Variants in FARSB observed in about 807,000 individuals in gnomAD.
FARSB encodes phenylalanine--tRNA ligase beta subunit.
A neutral mutation model predicts 69.6 loss-of-function variants in FARSB; 40 were observed. The ratio of observed to expected loss-of-function variants is 0.57; its 90% confidence interval spans 0.45 to 0.75. The LOEUF is 0.75. FARSB is among the 30% of genes least tolerant of loss of function. The pLI is 0.00. For synonymous variants in FARSB, 235 were observed against 247.2 expected, an observed-to-expected ratio of 0.95 and a Z score of 0.46; for missense variants, 632 against 722.9, an observed-to-expected ratio of 0.87 and a Z score of 1.44.
At chr2:222,627,735 T>G (rs1441743479) in intron 10 of FARSB, among the ~76,000 whole-genome samples, 1 of 152,238 alleles carries the variant, frequency 6.6e-6, no homozygotes, top group East Asian at 1.9e-4. Context: ...CACTCTAGAA[T>G]AAAATATGAT....
chr2:222,578,877 G>A (rs1272925353), intron 16 of FARSB, among the ~76,000 whole-genome samples: 1 of 152,190 alleles, frequency 6.6e-6, no homozygotes, highest in Non-Finnish European at 1.5e-5. Flanking sequence ...AGCTACTCAG[G>A]AGGCTAAGAC....
At chr2:222,605,161 T>TCTCTCTCTCTCTCTCTCTCTCTCTCTC (rs1690667824) in intron 15 of FARSB, among the ~76,000 whole-genome samples, 3 of 132,676 alleles carry the variant, frequency 2.3e-5, no homozygotes, top group African/African-American at 9.0e-5. Flanking sequence ...AATACAAACT[T>TCTCTCTCTCTCTCTCTCTCTCTCTCTC]TCTCTCTCTC....
At chr2:222,654,313 A>T (rs1421835433) in intron 1 of FARSB, among the ~76,000 whole-genome samples, 2 of 152,230 alleles carry the variant, frequency 1.3e-5, no homozygotes, top group Non-Finnish European at 2.9e-5. Context: ...CACAGTCAAA[A>T]CCTTGTTTCA....
intron 16 of FARSB, among the ~76,000 whole-genome samples, chr2:222,589,176 T>C (rs1690198807): frequency 6.6e-6 from 1 of 152,050 alleles, no homozygotes; most frequent in South Asian, 2.1e-4. Context: ...TATAGACCAA[T>C]GGAACAGAAC....
At chr2:222,633,669 C>T (rs562543425) in intron 6 of FARSB, among the ~76,000 whole-genome samples, 1 of 99,758 alleles carries the variant, frequency 1.0e-5, no homozygotes, top group Non-Finnish European at 1.8e-5. Flanking sequence ...GCAACAAGAG[C>T]GAAACTCCGT....
intron 5 of FARSB, among the ~76,000 whole-genome samples, chr2:222,636,499 C>G (rs577529587): frequency 1.3e-5 from 2 of 151,462 alleles, no homozygotes; most frequent in African/African-American, 4.8e-5. Context: ...GATAACTATA[C>G]CCAAATTAAA....
chr2:222,618,081 C>G (rs1485899405), intron 14 of FARSB, among the ~76,000 whole-genome samples: 2 of 152,012 alleles, frequency 1.3e-5, no homozygotes, highest in Non-Finnish European at 2.9e-5. Context: ...GGAAACTAGA[C>G]CTCAGAAAAT....
rs369041790 is a variant in FARSB, at chr2:222,606,707, A to G, written c.1463-6624T>C. 3.1e-4 allele frequency among the ~76,000 whole-genome samples: 47 copies of G among 152,366 alleles called. No homozygotes were observed. In the East Asian group the frequency reaches 6.5e-3, roughly 21 times the overall value. On this transcript the variant is annotated intron_variant, in intron 15 of 16. Coordinates refer to ENST00000281828, the MANE Select transcript of FARSB (RefSeq NM_005687.5). ...GTCCCCTTGTAAATGACTATTACAT[A>G]TAACTCAAATTTTTCAAATAGGCTC...
At position 222,623,733 on chromosome 2, in the gene FARSB, G is replaced by GAA. The variant is rs60965257; in HGVS notation, c.1171-5_1171-4dup. 3.9e-6 allele frequency: 6 copies of GAA among 1,557,358 alleles called. No homozygotes were observed. The highest frequency in any genetic ancestry group is 5.3e-6 in the Non-Finnish European group (6 of 1,141,876). On this transcript the variant is annotated splice_polypyrimidine_tract_variant and splice_region_variant and intron_variant, in intron 12 of 16. Transcript: ENST00000281828. ...TCAGTGAGCTTATTAAGAGGAAACT[G>GAA]AAAAAAAAAGCATCCACTTGATTTC...
chr2:222,598,066 CCT>C (rs367977103), intron 16 of FARSB, among the ~76,000 whole-genome samples: 15 of 152,316 alleles, frequency 9.8e-5, no homozygotes, highest in African/African-American at 3.4e-4. Flanking sequence ...CCTTGCTTCC[CCT>C]GTCTCCACCT....
intron 15 of FARSB, among the ~76,000 whole-genome samples, chr2:222,600,635 T>C (rs540132638): frequency 1.3e-5 from 2 of 152,144 alleles, no homozygotes; most frequent in Non-Finnish European, 2.9e-5. Context: ...ATACTTATCA[T>C]AGTAAATGAA....
intron 16 of FARSB, among the ~76,000 whole-genome samples, chr2:222,585,203 C>A (rs934966016): frequency 6.6e-6 from 1 of 152,226 alleles, no homozygotes; most frequent in African/African-American, 2.4e-5. Context: ...GTTCTGCAGC[C>A]TCCGCTGGTG....
rs1250605832 is a variant in FARSB at position 222,570,451 on chromosome 2, G to A, written c.*1420C>T. 1 of 151,944 alleles carries A rather than the reference G, an allele frequency of 6.6e-6. No homozygotes were observed. Among genetic ancestry groups the A allele is most frequent in the African/African-American group, 2.4e-5 (1 of 41,352 alleles). The allele number at this position is 151,944 out of a possible 1,614,324, so 9.4% of individuals were successfully genotyped here. A position where few individuals can be genotyped will look rare whatever the true frequency, so the allele number is the denominator to read the frequency against. ...CAATTCAAGGTTGTAATATGGTCAG[G>A]TTTTCTCCTAGTAGTAGACTCAGCA... On this transcript the variant is annotated 3_prime_UTR_variant, in exon 17 of 17. Coordinates refer to ENST00000281828, the MANE Select transcript of FARSB (RefSeq NM_005687.5).
chr2:222,583,179 G>A (rs1419661544), intron 16 of FARSB, among the ~76,000 whole-genome samples: 1 of 152,052 alleles, frequency 6.6e-6, no homozygotes, highest in Non-Finnish European at 1.5e-5. Context: ...GACTGTAATG[G>A]ATCTAAATAC....
chr2:222,601,374 T>C (rs1172737738), intron 15 of FARSB, among the ~76,000 whole-genome samples: 1 of 151,916 alleles, frequency 6.6e-6, no homozygotes, highest in African/African-American at 2.4e-5. Flanking sequence ...GGCAAGAGTT[T>C]GAGACCAACC....
rs1401193530 is a variant in FARSB at position 222,595,457 on chromosome 2, C to A, written c.1618+4471G>T. Among the ~76,000 whole-genome samples the A allele has an allele frequency of 2.6e-5, 4 of 152,246 alleles. No individual in the cohort carries two copies. In the East Asian group the frequency reaches 7.7e-4, roughly 29 times the overall value. On this transcript the variant is annotated intron_variant, in intron 16 of 16. Transcript: ENST00000281828. ...GGTATTACTGTAGCAGAAGGTACTA[C>A]CCACTGTGTATACAGATGGTACAGG...
At chr2:222,634,591 G>A in intron 5 of FARSB, 50 bp from the exon 6 acceptor site, 3 of 1,440,420 alleles carry the variant, frequency 2.1e-6, no homozygotes, top group East Asian at 2.3e-5. Context: ...GAAAGGAGGA[G>A]AATGAGACAG....
intron 1 of FARSB, 117 bp downstream of exon 1, chr2:222,655,899 C>G (rs944822789): frequency 2.8e-5 from 23 of 816,262 alleles, no homozygotes; most frequent in Non-Finnish European, 4.7e-5. Context: ...GCGTAAACCC[C>G]GGCCTCCCGG....
intron 10 of FARSB, among the ~76,000 whole-genome samples, chr2:222,628,439 C>T (rs1691331303): frequency 6.6e-6 from 1 of 151,934 alleles, no homozygotes; most frequent in Non-Finnish European, 1.5e-5. Context: ...TTATTATGTG[C>T]CAATTAAAGA....
Sources: gnomAD v4.1 joint callset for allele counts (sites outside exome capture counted in the v4.1 genomes callset) on GRCh38, gnomAD v4.1.1 for gene constraint, MANE v1.5 for transcripts, NCBI Gene and HGNC (gene_info 2026-07-23, HGNC 2026-07-21) for gene names.